NALF1: variants seen among roughly 807,000 people sequenced by gnomAD.
NALF1 encodes the protein family with sequence similarity 155 member A.
A neutral mutation model predicts 48.4 loss-of-function variants in NALF1; 3 were observed. That is an observed-to-expected ratio of 0.06 (90% CI 0.03 to 0.16). The LOEUF (loss-of-function observed/expected upper bound fraction) is 0.16, where lower values mean the gene tolerates loss of function less well. Ranked by LOEUF, NALF1 falls within the 10% of genes least tolerant of loss-of-function variation. The pLI is 1.00. For missense variants in NALF1, 526 were observed against 571.5 expected (o/e 0.92, Z 0.81); for synonymous variants, 262 against 245.7 (o/e 1.07, Z -0.62).
chr13:107,427,714 G>A (rs2139014102), intron 1 of NALF1, among the ~76,000 whole-genome samples: 1 of 152,246 alleles, frequency 6.6e-6, no homozygotes, highest in South Asian at 2.1e-4. Context: ...ATGGCTATTT[G>A]GCACAGAGAA....
intron 1 of NALF1, among the ~76,000 whole-genome samples, chr13:107,404,654 A>G (rs1399052396): frequency 6.6e-6 from 1 of 152,118 alleles, no homozygotes; most frequent in East Asian, 1.9e-4. Context: ...ATATTTCATT[A>G]TTATCTATCA....
At chr13:107,659,533 A>G (rs1287910382) in intron 1 of NALF1, among the ~76,000 whole-genome samples, 2 of 151,654 alleles carry the variant, frequency 1.3e-5, no homozygotes, top group African/African-American at 4.8e-5. Flanking sequence ...TGAAACATAC[A>G]GTAGTCTAAC....
In NALF1 at chr13:107,164,634, A is replaced by G. The variant is rs1006680335; in HGVS notation, c.*5863T>C. Reference sequence around the variant, plus strand: ...TAGATGCCTTTAACTTTTGCTTGTCAGTAGTAGCCTTTTGGGAGTGGAAAT... The same window carrying G: ...TAGATGCCTTTAACTTTTGCTTGTCGGTAGTAGCCTTTTGGGAGTGGAAAT... On this transcript the variant is annotated 3_prime_UTR_variant, in exon 3 of 3. Coordinates refer to ENST00000375915, the MANE Select transcript of NALF1 (RefSeq NM_001080396.3). 3.3e-5 allele frequency: 5 copies of G among 151,540 alleles called. No homozygotes were observed. Among genetic ancestry groups the G allele is most frequent in the Admixed American group, 6.6e-5 (1 of 15,232 alleles). The allele number at this position is 151,540 out of a possible 1,614,324, so 9.4% of individuals were successfully genotyped here.
chr13:107,787,390 A>G (rs760678501), intron 1 of NALF1, among the ~76,000 whole-genome samples: 4 of 152,234 alleles, frequency 2.6e-5, no homozygotes, highest in Non-Finnish European at 5.9e-5. Context: ...TAAAGATACA[A>G]ACTTTATTAG....
At chr13:107,192,039 T>C (rs1192727811) in intron 2 of NALF1, among the ~76,000 whole-genome samples, 1 of 150,360 alleles carries the variant, frequency 6.7e-6, no homozygotes, top group Non-Finnish European at 1.5e-5. Context: ...GCATGACCGA[T>C]GATGAGAGAG....
intron 1 of NALF1, among the ~76,000 whole-genome samples, chr13:107,818,189 G>C (rs9559165): frequency 2.0e-5 from 3 of 152,092 alleles, no homozygotes. Context: ...GGAACATCTT[G>C]AGGAGAGGTA....
At chr13:107,451,616 C>G (rs1009710709) in intron 1 of NALF1, among the ~76,000 whole-genome samples, 1 of 152,134 alleles carries the variant, frequency 6.6e-6, no homozygotes, top group Non-Finnish European at 1.5e-5. Flanking sequence ...ATTCTCTTTC[C>G]TCTTCACTGG....
chr13:107,233,274 G>A (rs1165491018), intron 1 of NALF1, among the ~76,000 whole-genome samples: 1 of 152,148 alleles, frequency 6.6e-6, no homozygotes, highest in Non-Finnish European at 1.5e-5. Context: ...TGGAAATACA[G>A]GTACAGGAGA....
intron 1 of NALF1, among the ~76,000 whole-genome samples, chr13:107,853,944 T>A (rs1880379482): frequency 1.3e-5 from 2 of 152,224 alleles, no homozygotes; most frequent in African/African-American, 4.8e-5. Context: ...AAAAAATACT[T>A]AAAGATTGGA....
intron 1 of NALF1, among the ~76,000 whole-genome samples, chr13:107,688,105 T>C (rs9587426): frequency 0.014 from 2,067 of 152,324 alleles, 39 homozygotes; most frequent in African/African-American, 0.04. Flanking sequence ...TTGCCTTATA[T>C]GTGGTAAATG....
chr13:107,169,027 T>C lies in NALF1; in HGVS notation c.*1470A>G, dbSNP rs551663273. On this transcript the variant is annotated 3_prime_UTR_variant, in exon 3 of 3. Transcript: ENST00000375915. ...TTTAAAAACAGCCCTTATTAACTCTTCCTTCCACTGATTCTACTGTAAACT... is the reference window on the plus strand; with the variant it reads ...TTTAAAAACAGCCCTTATTAACTCTCCCTTCCACTGATTCTACTGTAAACT... The C allele has an allele frequency of 1.4e-4, 21 of 152,598 alleles. No individual in the cohort carries two copies. Among genetic ancestry groups the C allele is most frequent in the Non-Finnish European group, 2.4e-4 (16 of 68,034 alleles). The allele number at this position is 152,598 out of a possible 1,614,324, so 9.5% of individuals were successfully genotyped here.
At chr13:107,797,511 C>A (rs1878466070) in intron 1 of NALF1, among the ~76,000 whole-genome samples, 1 of 152,222 alleles carries the variant, frequency 6.6e-6, no homozygotes, top group African/African-American at 2.4e-5. Context: ...GCCCGGCCCA[C>A]CTCCTGTTTT....
chr13:107,416,676 TTAG>T (rs1311942508), intron 1 of NALF1, among the ~76,000 whole-genome samples: 1 of 152,182 alleles, frequency 6.6e-6, no homozygotes, highest in Non-Finnish European at 1.5e-5. Context: ...CAGTAGACTA[TTAG>T]TAGCTAAGTT....
chr13:107,689,357 T>C (rs1445132167), intron 1 of NALF1, among the ~76,000 whole-genome samples: 5 of 152,208 alleles, frequency 3.3e-5, no homozygotes, highest in South Asian at 4.1e-4. Flanking sequence ...ATAATTGATA[T>C]GATATAATCC....
chr13:107,345,016 AG>A (rs1882747907), intron 1 of NALF1, among the ~76,000 whole-genome samples: 1 of 152,104 alleles, frequency 6.6e-6, no homozygotes, highest in African/African-American at 2.4e-5. Flanking sequence ...CTCAGAAATC[AG>A]TTGTGTTTCT....
At chr13:107,821,218 T>G (rs1163121579) in intron 1 of NALF1, among the ~76,000 whole-genome samples, 1 of 152,232 alleles carries the variant, frequency 6.6e-6, no homozygotes, top group Non-Finnish European at 1.5e-5. Flanking sequence ...AGAAAGAGAA[T>G]TGTCTACCTG....
intron 1 of NALF1, among the ~76,000 whole-genome samples, chr13:107,220,286 TA>T (rs1285240128): frequency 6.6e-6 from 1 of 152,204 alleles, no homozygotes; most frequent in Non-Finnish European, 1.5e-5. Context: ...CTGGGAAAGG[TA>T]TGAATGCAAA....
intron 2 of NALF1, among the ~76,000 whole-genome samples, chr13:107,182,255 T>TGTCC (rs1555325203): frequency 0.029 from 3,834 of 132,510 alleles, 105 homozygotes; most frequent in African/African-American, 0.082. Context: ...TGTGTGTCCG[T>TGTCC]GTGTGTGTGT....
In NALF1 at chr13:107,496,733, GCC is replaced by G. The variant is rs879471016; in HGVS notation, c.916-285980_916-285979del. On this transcript the variant is annotated intron_variant, in intron 1 of 2. Coordinates refer to ENST00000375915, the MANE Select transcript of NALF1 (RefSeq NM_001080396.3). ...CTTACAGTTCCACATGGCTGGGGAA[GCC>G]TCAAAATCATGGTGGAAGGCAAGGA... Among the ~76,000 whole-genome samples the G allele has an allele frequency of 3.1e-3, 466 of 152,292 alleles. 3 individuals are homozygous for G. Among genetic ancestry groups the G allele is most frequent in the Non-Finnish European group, 5.1e-3 (344 of 68,018 alleles).
Sources: allele counts gnomAD v4.1 joint callset (sites outside exome capture counted in the v4.1 genomes callset), GRCh38; gene constraint gnomAD v4.1.1; transcripts MANE v1.5; gene names NCBI Gene and HGNC (gene_info 2026-07-23, HGNC 2026-07-21).